The following KPNA1 variants were observed in gnomAD, a reference collection of about 807,000 sequenced individuals.
KPNA1 encodes importin subunit alpha-5.
A neutral mutation model predicts 70.5 loss-of-function variants in KPNA1; 10 were observed. That is an observed-to-expected ratio of 0.14 (90% CI 0.09 to 0.24). The LOEUF (loss-of-function observed/expected upper bound fraction) is 0.24, where lower values mean the gene tolerates loss of function less well. KPNA1 is among the 10% of genes least tolerant of loss of function. KPNA1 has a pLI of 1.00. For synonymous variants in KPNA1, 192 were observed against 221.9 expected (o/e 0.87, Z 1.20); for missense variants, 397 against 637.9 (o/e 0.62, Z 4.07).
chr3:122,477,143 G>A (rs1201860306), intron 2 of KPNA1, among the ~76,000 whole-genome samples: 1 of 152,140 alleles, frequency 6.6e-6, no homozygotes. Context: ...TGAACCTGGA[G>A]GATATTATGT....
chr3:122,436,912 G>C (rs1012705081), intron 11 of KPNA1, among the ~76,000 whole-genome samples: 6 of 152,092 alleles, frequency 3.9e-5, no homozygotes, highest in Non-Finnish European at 5.9e-5. Flanking sequence ...CGCGTAGCTG[G>C]GACTACAGGC....
At chr3:122,444,647 T>C (rs1281183293) in intron 9 of KPNA1, among the ~76,000 whole-genome samples, 1 of 152,182 alleles carries the variant, frequency 6.6e-6, no homozygotes, top group Non-Finnish European at 1.5e-5. Context: ...AGACACCTCA[T>C]ACAGGCGGGT....
At chr3:122,493,990 CCCA>C (rs2076729369) in intron 2 of KPNA1, among the ~76,000 whole-genome samples, 1 of 152,020 alleles carries the variant, frequency 6.6e-6, no homozygotes, top group African/African-American at 2.4e-5. Context: ...ATGTCCTGTG[CCCA>C]CGTTTTAATG....
chr3:122,465,852 T>C (rs2076374243), intron 3 of KPNA1, among the ~76,000 whole-genome samples: 1 of 152,226 alleles, frequency 6.6e-6, no homozygotes, highest in Non-Finnish European at 1.5e-5. Context: ...AGAAAAGGGA[T>C]TCAACAACAT....
At position 122,433,684 on chromosome 3, in the gene KPNA1, A is replaced by C; in HGVS notation, c.1227T>G (p.Ser409=). ...ACTTGATCTGTTCAGCTGATCCTCC[A>C]GAAGTTGCATTTGTGATGGCCCAAG... ...EAAWAITNAT[S]GGSAEQIKYL... Residue 409 remains serine, a synonymous_variant, in exon 12 of 14, where the codon TCT becomes TCG. Transcript: ENST00000344337. 3 of 1,609,776 alleles carry C rather than the reference A, an allele frequency of 1.9e-6. No homozygotes were observed. Among genetic ancestry groups the C allele is most frequent in the Non-Finnish European group, 2.5e-6 (3 of 1,178,940 alleles).
At chr3:122,449,097 T>C (rs2076171811) in intron 9 of KPNA1, among the ~76,000 whole-genome samples, 1 of 152,264 alleles carries the variant, frequency 6.6e-6, no homozygotes, top group Admixed American at 6.5e-5. Context: ...CTGTAGTATC[T>C]AAAAATTTGA....
At chr3:122,441,854 G>A (rs966891742) in intron 10 of KPNA1, among the ~76,000 whole-genome samples, 184 bp downstream of exon 10, 2 of 152,206 alleles carry the variant, frequency 1.3e-5, no homozygotes, top group African/African-American at 4.8e-5. Context: ...GTCCGCCTCA[G>A]TCTCCCAAAG....
chr3:122,490,896 A>T (rs1445490867), intron 2 of KPNA1, among the ~76,000 whole-genome samples: 1 of 152,130 alleles, frequency 6.6e-6, no homozygotes, highest in Non-Finnish European at 1.5e-5. Flanking sequence ...TCTAATATTA[A>T]TATAAATATG....
chr3:122,453,485 G>A (rs2076233395), intron 6 of KPNA1, among the ~76,000 whole-genome samples: 1 of 151,996 alleles, frequency 6.6e-6, no homozygotes, highest in East Asian at 1.9e-4. Flanking sequence ...GTGAAACTCA[G>A]CCCCTTATTA....
rs762643085 is a variant in KPNA1, at chr3:122,449,660, G to T, written c.831C>A (p.Ala277=). 3 of 1,613,740 alleles carry T rather than the reference G, an allele frequency of 1.9e-6. No homozygotes were observed. The highest frequency in any genetic ancestry group is 2.5e-6 in the Non-Finnish European group (3 of 1,179,784). ...TGGGTCCATCTGATAGATATGAGAG[G>T]GCCCAGCAGGCATCAGCCAGTACAT... ...DTDVLADACW[A]LSYLSDGPND... is the part of the protein sequence containing the mutation. The change falls in exon 9 of 14, where the codon GCC becomes GCA. Residue 277 remains alanine (A), a synonymous_variant. Coordinates refer to ENST00000344337, the MANE Select transcript of KPNA1 (RefSeq NM_002264.4).
At chr3:122,458,681 A>T (rs1399548283) in intron 5 of KPNA1, among the ~76,000 whole-genome samples, 1 of 152,220 alleles carries the variant, frequency 6.6e-6, no homozygotes, top group African/African-American at 2.4e-5. Context: ...TAAGAGTATC[A>T]GGGATAGCTT....
At chr3:122,492,629 T>C (rs1228500044) in intron 2 of KPNA1, among the ~76,000 whole-genome samples, 2 of 152,252 alleles carry the variant, frequency 1.3e-5, no homozygotes, top group East Asian at 1.9e-4. Flanking sequence ...ACATATTAAA[T>C]GCTCAATAGC....
At chr3:122,454,083 G>GA (rs1324811056) in intron 5 of KPNA1, 82 bp from the exon 6 acceptor site, 5 of 936,542 alleles carry the variant, frequency 5.3e-6, no homozygotes, top group Middle Eastern at 2.8e-4. Context: ...TTCTGTACAT[G>GA]AAAAAAAGAT....
intron 9 of KPNA1, among the ~76,000 whole-genome samples, chr3:122,445,468 G>A (rs1186755290): frequency 6.6e-6 from 1 of 152,172 alleles, no homozygotes; most frequent in Admixed American, 6.5e-5. Flanking sequence ...ACAAGCAAAT[G>A]CTGACAGAGT....
At position 122,452,736 on chromosome 3, in the gene KPNA1, AG is replaced by A. The variant is rs1395996569; in HGVS notation, c.565-673del. Among the ~76,000 whole-genome samples the A allele has an allele frequency of 1.4e-4, 21 of 151,068 alleles. No individual in the cohort carries two copies. The East Asian group carries it at 4.1e-3, about 30-fold the overall frequency. Reference sequence around the variant, plus strand: ...GAGGGAAGGAGGGAAGGAGAGACGGAGGGAAGGAGAGACAGAGGGAAGGAGA... The same window carrying A: ...GAGGGAAGGAGGGAAGGAGAGACGGAGGAAGGAGAGACAGAGGGAAGGAGA... On this transcript the variant is annotated intron_variant, in intron 6 of 13. Coordinates refer to ENST00000344337, the MANE Select transcript of KPNA1 (RefSeq NM_002264.4).
At chr3:122,488,047 A>C (rs1180259673) in intron 2 of KPNA1, among the ~76,000 whole-genome samples, 1 of 152,148 alleles carries the variant, frequency 6.6e-6, no homozygotes, top group Non-Finnish European at 1.5e-5. Flanking sequence ...CTTAATATTA[A>C]AAAACTAACT....
intron 2 of KPNA1, among the ~76,000 whole-genome samples, chr3:122,479,978 A>C (rs1326338516): frequency 6.6e-6 from 1 of 152,190 alleles, no homozygotes; most frequent in Non-Finnish European, 1.5e-5. Flanking sequence ...ATTATTCAGC[A>C]TTAAAAAGAA....
intron 1 of KPNA1, among the ~76,000 whole-genome samples, chr3:122,499,897 T>G (rs1045500227): frequency 6.6e-6 from 1 of 152,244 alleles, no homozygotes; most frequent in Non-Finnish European, 1.5e-5. Context: ...ATTATATTAT[T>G]TCTTTAAATG....
chr3:122,459,793 T>C, intron 5 of KPNA1: 1 of 985,426 alleles, frequency 1.0e-6, no homozygotes, highest in Non-Finnish European at 1.2e-6. Flanking sequence ...ATTTCTTGTT[T>C]TTCCTCTGGA....
Sources: gnomAD v4.1 joint callset for allele counts (sites outside exome capture counted in the v4.1 genomes callset) on GRCh38, gnomAD v4.1.1 for gene constraint, MANE v1.5 for transcripts, NCBI Gene and HGNC (gene_info 2026-07-23, HGNC 2026-07-21) for gene names.